Variants in ATRNL1 observed in about 807,000 individuals in gnomAD.
The protein encoded by ATRNL1 is attractin-like protein 1.
A neutral mutation model predicts 182.7 loss-of-function variants in ATRNL1; 95 were observed. The ratio of observed to expected loss-of-function variants is 0.52; its 90% CI spans 0.44 to 0.62. The LOEUF (loss-of-function observed/expected upper bound fraction) is 0.62, where lower values mean the gene tolerates loss of function less well. Among genes scored for constraint, ATRNL1 ranks in the 20% least tolerant of loss-of-function variants. ATRNL1 has a pLI of 0.00. For missense variants in ATRNL1, 1,471 were observed against 1,679.5 expected, an observed-to-expected ratio of 0.88 and a Z score of 2.17; for synonymous variants, 576 against 568.3, an observed-to-expected ratio of 1.01 and a Z score of -0.19.
At chr10:115,715,265 A>G (rs938941415) in intron 26 of ATRNL1, among the ~76,000 whole-genome samples, 1 of 152,210 alleles carries the variant, frequency 6.6e-6, no homozygotes, top group Non-Finnish European at 1.5e-5. Flanking sequence ...TAAGTTTTGC[A>G]GTGGACAAAG....
chr10:115,514,619 A>G (rs1173665511), intron 24 of ATRNL1, among the ~76,000 whole-genome samples: 1 of 151,930 alleles, frequency 6.6e-6, no homozygotes, highest in East Asian at 1.9e-4. Context: ...TTCCAGCCTG[A>G]ATCATGTGCT....
At chr10:115,707,155 C>A (rs1555053265) in intron 26 of ATRNL1, among the ~76,000 whole-genome samples, 1 of 151,732 alleles carries the variant, frequency 6.6e-6, no homozygotes, top group Non-Finnish European at 1.5e-5. Flanking sequence ...ACAAATAAGG[C>A]AGCTTTCTAA....
At chr10:115,533,330 G>T (rs1345231679) in intron 25 of ATRNL1, among the ~76,000 whole-genome samples, 2 of 151,966 alleles carry the variant, frequency 1.3e-5, no homozygotes, top group Non-Finnish European at 2.9e-5. Context: ...TTTAGTCTTG[G>T]GAGAGTGTAT....
At chr10:115,189,927 T>TG (rs2144226351) in intron 8 of ATRNL1, among the ~76,000 whole-genome samples, 1 of 140,902 alleles carries the variant, frequency 7.1e-6, no homozygotes, top group East Asian at 2.1e-4. Flanking sequence ...TACCATTTTT[T>TG]ATTTTTTACA....
chr10:115,122,171 GT>G (rs1844767271), intron 3 of ATRNL1, among the ~76,000 whole-genome samples: 2 of 151,118 alleles, frequency 1.3e-5, no homozygotes, highest in South Asian at 2.1e-4. Flanking sequence ...TTTAATAGTT[GT>G]TTTTTTATTT....
chr10:115,894,315 A>G (rs1952153598), intron 28 of ATRNL1, among the ~76,000 whole-genome samples: 1 of 152,188 alleles, frequency 6.6e-6, no homozygotes, highest in Admixed American at 6.5e-5. Context: ...CTAATTCCTG[A>G]GCATTGGTCA....
At chr10:115,809,636 T>C (rs1243889150) in intron 27 of ATRNL1, among the ~76,000 whole-genome samples, 1 of 151,992 alleles carries the variant, frequency 6.6e-6, no homozygotes, top group East Asian at 1.9e-4. Flanking sequence ...TTTTGTGGAT[T>C]TATATTTTTA....
chr10:115,222,244 C>A (rs1447628324), intron 9 of ATRNL1, among the ~76,000 whole-genome samples: 1 of 151,672 alleles, frequency 6.6e-6, no homozygotes, highest in Non-Finnish European at 1.5e-5. Flanking sequence ...GAAGAGAGAT[C>A]AGAAGGAAAC....
chr10:115,725,966 AT>A (rs1555059936), intron 26 of ATRNL1, among the ~76,000 whole-genome samples: 2 of 152,196 alleles, frequency 1.3e-5, no homozygotes, highest in African/African-American at 4.8e-5. Flanking sequence ...CTTCAAAAAA[AT>A]GTGATCTACA....
chr10:115,577,599 G>A (rs964544564), intron 26 of ATRNL1, among the ~76,000 whole-genome samples: 1 of 124,404 alleles, frequency 8.0e-6, no homozygotes. Flanking sequence ...GAATTTATTT[G>A]TTCTAACAGG....
At chr10:115,113,985 GT>G (rs145391113) in intron 1 of ATRNL1, among the ~76,000 whole-genome samples, 12 of 150,454 alleles carry the variant, frequency 8.0e-5, no homozygotes, top group East Asian at 3.9e-4. Flanking sequence ...ATTTTTATCT[GT>G]TTTTTTTTCC....
At chr10:115,785,497 G>T (rs1406759426) in intron 27 of ATRNL1, among the ~76,000 whole-genome samples, 1 of 152,206 alleles carries the variant, frequency 6.6e-6, no homozygotes, top group African/African-American at 2.4e-5. Flanking sequence ...TGTGTTGATT[G>T]CTCATGCAAT....
intron 28 of ATRNL1, among the ~76,000 whole-genome samples, chr10:115,926,557 A>G: frequency 6.6e-6 from 1 of 152,288 alleles, no homozygotes; most frequent in South Asian, 2.1e-4. Flanking sequence ...TAATAGACAC[A>G]ATAAAAATGA....
At chr10:115,094,120 C>T in intron 1 of ATRNL1, 77 bp downstream of exon 1, 4 of 1,263,986 alleles carry the variant, frequency 3.2e-6, no homozygotes, top group South Asian at 2.3e-5. Flanking sequence ...CCCTCGCGGC[C>T]TCCCCCGCCC....
chr10:115,648,481 G>C (rs746620500), intron 26 of ATRNL1, among the ~76,000 whole-genome samples: 4 of 152,088 alleles, frequency 2.6e-5, no homozygotes, highest in Middle Eastern at 3.2e-3. Flanking sequence ...AACCAAAAAA[G>C]AGCCCACATT....
intron 28 of ATRNL1, among the ~76,000 whole-genome samples, chr10:115,942,349 A>C (rs1223725979): frequency 2.0e-5 from 3 of 152,214 alleles, no homozygotes; most frequent in Non-Finnish European, 4.4e-5. Flanking sequence ...TTCCATCCTC[A>C]GTTAGATACC....
At chr10:115,656,439 G>T (rs1321583451) in intron 26 of ATRNL1, among the ~76,000 whole-genome samples, 1 of 152,090 alleles carries the variant, frequency 6.6e-6, no homozygotes, top group Non-Finnish European at 1.5e-5. Flanking sequence ...ACATCCAAAA[G>T]ATGTGCATGT....
At position 115,214,157 on chromosome 10, in the gene ATRNL1, T is replaced by C. The variant is rs532214166; in HGVS notation, c.1349-1540T>C. ...AACTGTAGTTTGAAAATAGTCTGTATGTAACAAATTGTGAAATGTACCTCT... is the reference window on the plus strand; with the variant it reads ...AACTGTAGTTTGAAAATAGTCTGTACGTAACAAATTGTGAAATGTACCTCT... On this transcript the variant is annotated intron_variant, in intron 8 of 28. Transcript: ENST00000355044. Among the ~76,000 whole-genome samples, 159 of 152,182 alleles carry C rather than the reference T, an allele frequency of 1.0e-3. 1 individual carries two copies. The highest frequency in any genetic ancestry group is 3.7e-3 in the African/African-American group (154 of 41,554).
At chr10:115,638,226 C>T (rs1170989241) in intron 26 of ATRNL1, among the ~76,000 whole-genome samples, 1 of 152,072 alleles carries the variant, frequency 6.6e-6, no homozygotes, top group South Asian at 2.1e-4. Context: ...TAGACACTTA[C>T]CGTAGTATTA....
Sources: allele counts gnomAD v4.1 joint callset (sites outside exome capture counted in the v4.1 genomes callset), GRCh38; gene constraint gnomAD v4.1.1; transcripts MANE v1.5; gene names NCBI Gene and HGNC (gene_info 2026-07-23, HGNC 2026-07-21).